The following ABCA13 variants were observed in gnomAD, a reference collection of about 807,000 sequenced individuals.
The protein encoded by ABCA13 is ATP-binding cassette sub-family A member 13.
ABCA13 carries 476 observed loss-of-function variants against 478.7 expected under a neutral mutation model. The ratio of observed to expected loss-of-function variants is 0.99; its 90% confidence interval spans 0.92 to 1.07. ABCA13 has a LOEUF of 1.07. Among genes scored for constraint, ABCA13 ranks in the 50% least tolerant of loss-of-function variants. ABCA13 has a pLI of 0.00. For synonymous variants in ABCA13, 2,252 were observed against 2,158.9 expected, an observed-to-expected ratio of 1.04 and a Z score of -1.20; for missense variants, 6,060 against 5,910.6, an observed-to-expected ratio of 1.03 and a Z score of -0.83.
chr7:48,460,145 G>A (rs927021849), intron 43 of ABCA13, among the ~76,000 whole-genome samples: 6 of 152,118 alleles, frequency 3.9e-5, no homozygotes, highest in African/African-American at 1.4e-4. Flanking sequence ...AACCCAAGAG[G>A]GCCAGTGGAT....
chr7:48,240,210 T>TA (rs1393447093), intron 9 of ABCA13, among the ~76,000 whole-genome samples: 2 of 152,262 alleles, frequency 1.3e-5, no homozygotes, highest in Non-Finnish European at 2.9e-5. Flanking sequence ...TTCGTGGCAC[T>TA]AAAGTCATCC....
At chr7:48,596,067 A>G (rs1790253651) in intron 58 of ABCA13, among the ~76,000 whole-genome samples, 1 of 152,268 alleles carries the variant, frequency 6.6e-6, no homozygotes. Context: ...ACGTAAAAAT[A>G]CTATTAAATG....
In ABCA13 at chr7:48,615,410, T is replaced by C; in HGVS notation, c.14837+33T>C. ...GAAGTTCTCCTTTTGCTTAGATATT[T>C]ACTATGAAATCAATAGCATGATGCA... On this transcript the variant is annotated intron_variant, in intron 59 of 61. Coordinates refer to ENST00000435803, the MANE Select transcript of ABCA13 (RefSeq NM_152701.5). The C allele has an allele frequency of 3.3e-6, 5 of 1,526,652 alleles. No individual in the cohort carries two copies. In the South Asian group the frequency reaches 6.0e-5, roughly 18 times the overall value. The allele number at this position is 1,526,652 out of a possible 1,614,324, so 94.6% of individuals were successfully genotyped here.
At chr7:48,531,731 A>ATTT (rs34996683) in intron 55 of ABCA13, among the ~76,000 whole-genome samples, 6 of 102,272 alleles carry the variant, frequency 5.9e-5, no homozygotes, top group Non-Finnish European at 9.7e-5. Context: ...TATATTCCTA[A>ATTT]TTTTTTTTTT....
intron 35 of ABCA13, among the ~76,000 whole-genome samples, chr7:48,377,398 C>A (rs991951391): frequency 3.3e-5 from 5 of 152,008 alleles, no homozygotes; most frequent in Non-Finnish European, 7.4e-5. Context: ...TGGTTCTATG[C>A]TTTTCAAAGC....
intron 46 of ABCA13, among the ~76,000 whole-genome samples, chr7:48,481,771 G>A (rs2130551169): frequency 6.6e-6 from 1 of 152,122 alleles, no homozygotes; most frequent in African/African-American, 2.4e-5. Context: ...GGCTCCCAAA[G>A]TGCTAGGATT....
chr7:48,540,071 T>C (rs1833854676), intron 55 of ABCA13, among the ~76,000 whole-genome samples: 1 of 152,142 alleles, frequency 6.6e-6, no homozygotes, highest in Admixed American at 6.6e-5. Context: ...TACTACTTAC[T>C]CTGAAAGGAA....
chr7:48,594,413 T>C (rs1448521845), intron 57 of ABCA13, among the ~76,000 whole-genome samples: 1 of 151,812 alleles, frequency 6.6e-6, no homozygotes, highest in Non-Finnish European at 1.5e-5. Flanking sequence ...ATTTGGTTCT[T>C]TTTTTTTATA....
intron 47 of ABCA13, among the ~76,000 whole-genome samples, chr7:48,487,430 T>C (rs1347224197): frequency 5.3e-5 from 8 of 151,778 alleles, no homozygotes; most frequent in Non-Finnish European, 1.5e-5. Flanking sequence ...CCAGCTCCAT[T>C]CAGCCAAAGA....
At chr7:48,473,600 C>T (rs1300865954) in intron 45 of ABCA13, among the ~76,000 whole-genome samples, 2 of 152,208 alleles carry the variant, frequency 1.3e-5, no homozygotes, top group Non-Finnish European at 2.9e-5. Context: ...TTACAAAAGT[C>T]GTTTGTCAGG....
chr7:48,507,632 G>A (rs955592568), intron 49 of ABCA13, among the ~76,000 whole-genome samples: 138 of 152,234 alleles, frequency 9.1e-4, no homozygotes, highest in Non-Finnish European at 3.8e-4. Flanking sequence ...AGAAGACTCC[G>A]AAATGCCCTC....
At chr7:48,467,418 TA>T (rs572814392) in intron 44 of ABCA13, among the ~76,000 whole-genome samples, 1 of 152,164 alleles carries the variant, frequency 6.6e-6, no homozygotes, top group South Asian at 2.1e-4. Context: ...CTTGTACATA[TA>T]AAAAATTAAT....
At chr7:48,196,313 A>G (rs1797923521) in intron 2 of ABCA13, among the ~76,000 whole-genome samples, 1 of 152,130 alleles carries the variant, frequency 6.6e-6, no homozygotes. Flanking sequence ...AACACTGGAA[A>G]TGTTTCCTAG....
intron 27 of ABCA13, among the ~76,000 whole-genome samples, chr7:48,334,233 G>C (rs757337694): frequency 3.9e-5 from 6 of 152,026 alleles, no homozygotes; most frequent in Admixed American, 6.5e-5. Flanking sequence ...ATGCATTTTT[G>C]GTTAGTATAG....
chr7:48,272,370 C>G lies in ABCA13; in HGVS notation c.2704C>G (p.Leu902Val). Residue 902 changes from leucine to valine, a missense_variant, in exon 17 of 62, where the codon CTC (leucine) becomes GTC (valine). By Grantham distance (32) the Leu-to-Val change is conservative. This residue lies in a region of ABCA13 where 4,423 missense variants were observed against 4,309.1 expected (regional missense o/e 1.03). Transcript: ENST00000435803. Reference sequence around the variant, plus strand: ...TTTAAGTGAGGCTATAATAACTAGTCTCCATGAATTTGGATTTTTGGAGCA... The same window carrying G: ...TTTAAGTGAGGCTATAATAACTAGTGTCCATGAATTTGGATTTTTGGAGCA... The part of the protein sequence containing the change: ...VRLSEAIITS[L>V]HEFGFLEQEQ... 1 of 1,613,760 alleles carries G rather than the reference C, an allele frequency of 6.2e-7. No homozygotes were observed. Among genetic ancestry groups the G allele is most frequent in the South Asian group, 1.1e-5 (1 of 91,062 alleles).
At chr7:48,556,474 C>G (rs372222125) in intron 55 of ABCA13, among the ~76,000 whole-genome samples, 1 of 151,930 alleles carries the variant, frequency 6.6e-6, no homozygotes, top group Non-Finnish European at 1.5e-5. Flanking sequence ...CTTTATATAT[C>G]TGAGTGCTCC....
At chr7:48,396,242 G>A (rs1177118022) in intron 38 of ABCA13, among the ~76,000 whole-genome samples, 2 of 152,270 alleles carry the variant, frequency 1.3e-5, no homozygotes, top group East Asian at 1.9e-4. Flanking sequence ...GTGGGCCAGG[G>A]CAGGAAAGAA....
chr7:48,583,659 G>A (rs548105396), intron 56 of ABCA13, among the ~76,000 whole-genome samples: 1 of 152,168 alleles, frequency 6.6e-6, no homozygotes, highest in Non-Finnish European at 1.5e-5. Flanking sequence ...CTGAAGTATG[G>A]TACAATTTCT....
chr7:48,366,590 C>A (rs892005867), intron 31 of ABCA13, among the ~76,000 whole-genome samples: 3 of 152,046 alleles, frequency 2.0e-5, no homozygotes, highest in Non-Finnish European at 4.4e-5. Flanking sequence ...GGGTGTCATG[C>A]CACTTCAACT....
Sources: allele counts gnomAD v4.1 joint callset (sites outside exome capture counted in the v4.1 genomes callset), GRCh38; gene constraint gnomAD v4.1.1; regional missense constraint gnomAD v4.1.1; transcripts MANE v1.5; gene names NCBI Gene and HGNC (gene_info 2026-07-23, HGNC 2026-07-21).